ERICH1: variants seen among roughly 807,000 people sequenced by gnomAD.
ERICH1 encodes glutamate rich 1, also known as glutamate-rich protein 1.
Under a neutral mutation model 39.6 loss-of-function variants are expected in ERICH1, and 56 were observed. The observed-to-expected ratio is 1.41, with a 90% CI of 1.14 to 1.77. The LOEUF (loss-of-function observed/expected upper bound fraction) is 1.77. Among genes scored for constraint, ERICH1 ranks in the 40% most tolerant of loss-of-function variants. The pLI is 0.00. For synonymous variants in ERICH1, 313 were observed against 223.6 expected (o/e 1.40, Z -3.57); for missense variants, 826 against 575.4 (o/e 1.44, Z -4.45).
At chr8:694,853 G>C (rs2132095115) in intron 2 of ERICH1, among the ~76,000 whole-genome samples, 1 of 152,266 alleles carries the variant, frequency 6.6e-6, no homozygotes, top group African/African-American at 2.4e-5. Flanking sequence ...GCGGCAGCGA[G>C]AGTTCCCCGT....
chr8:621,829 C>G (rs533706932), intron 3 of ERICH1, among the ~76,000 whole-genome samples: 1 of 152,108 alleles, frequency 6.6e-6, no homozygotes. Context: ...TATGAGCCAA[C>G]AAAGTTAAAT....
At chr8:729,007 C>T (rs892197920) in intron 1 of ERICH1, among the ~76,000 whole-genome samples, 3 of 152,118 alleles carry the variant, frequency 2.0e-5, no homozygotes, top group Non-Finnish European at 4.4e-5. Context: ...CAGGGCCAGG[C>T]AGGGGAGAGT....
rs796284628 is a variant in ERICH1 at position 726,995 on chromosome 8, G to A, written c.22+4145C>T. On this transcript the variant is annotated intron_variant, in intron 1 of 5. Transcript: ENST00000262109. ...CACGTACACATACACATACACACAC[G>A]CACACCACACAGGCACACACATGCA... Among the ~76,000 whole-genome samples the A allele has an allele frequency of 1.3e-3, 165 of 124,450 alleles. 1 individual carries two copies. Among genetic ancestry groups the A allele is most frequent in the African/African-American group, 6.7e-3 (143 of 21,340 alleles). 81.6% of individuals were successfully genotyped at this position (124,450 alleles called of 152,430 possible).
chr8:664,160 C>T (rs1001214186), downstream of ERICH1: 4 of 831,016 alleles, frequency 4.8e-6, no homozygotes, highest in African/African-American at 7.4e-5. Flanking sequence ...ATATGATTCA[C>T]AAAGTAGAGA....
intron 3 of ERICH1, among the ~76,000 whole-genome samples, chr8:685,325 C>G (rs1372422198): frequency 3.9e-5 from 6 of 152,214 alleles, no homozygotes; most frequent in Non-Finnish European, 8.8e-5. Flanking sequence ...GGTAATCTCC[C>G]TTGTTCCCTG....
intron 3 of ERICH1, among the ~76,000 whole-genome samples, chr8:628,602 A>C (rs1430918302): frequency 6.6e-6 from 1 of 152,204 alleles, no homozygotes; most frequent in African/African-American, 2.4e-5. Context: ...TGGGGTGATC[A>C]AAGGCTCAGG....
intron 3 of ERICH1, among the ~76,000 whole-genome samples, chr8:627,844 G>T (rs1797682798): frequency 6.6e-6 from 1 of 152,194 alleles, no homozygotes; most frequent in Admixed American, 6.5e-5. Flanking sequence ...AGGCTGGGGA[G>T]CCCAGGAACA....
chr8:661,210 G>A (rs577613948), downstream of ERICH1, among the ~76,000 whole-genome samples: 1 of 152,166 alleles, frequency 6.6e-6, no homozygotes. Context: ...GCCCCGGGAT[G>A]AGAGGACATG....
chr8:722,418 CAG>C (rs1315460062), intron 1 of ERICH1, among the ~76,000 whole-genome samples: 1 of 152,196 alleles, frequency 6.6e-6, no homozygotes, highest in East Asian at 1.9e-4. Context: ...GTATAATTCT[CAG>C]AAAGGACTGC....
chr8:719,482 G>A (rs1347621815), intron 1 of ERICH1, among the ~76,000 whole-genome samples: 5 of 152,242 alleles, frequency 3.3e-5, no homozygotes, highest in African/African-American at 7.2e-5. Context: ...GCTGACGCCC[G>A]CGGTCGCCCG....
At chr8:615,024 C>T in exon 4 of ERICH1, 2 of 448,132 alleles carry the variant, frequency 4.5e-6, no homozygotes, top group East Asian at 3.4e-5. Context: ...TTCAAGCCAC[C>T]TTGGAGCAGA....
intron 3 of ERICH1, among the ~76,000 whole-genome samples, chr8:632,640 A>G (rs1209988176): frequency 1.3e-5 from 2 of 152,254 alleles, no homozygotes; most frequent in African/African-American, 4.8e-5. Flanking sequence ...AGACGTTATG[A>G]ACATAAAATT....
chr8:653,992 C>T (rs1428666259), intron 3 of ERICH1, among the ~76,000 whole-genome samples: 5 of 151,582 alleles, frequency 3.3e-5, no homozygotes, highest in South Asian at 2.1e-4. Context: ...CTGGAGAAGT[C>T]GGAGCCACAG....
intron 3 of ERICH1, among the ~76,000 whole-genome samples, chr8:642,556 G>C (rs548857389): frequency 1.3e-5 from 2 of 152,028 alleles, no homozygotes; most frequent in South Asian, 4.2e-4. Flanking sequence ...GTGTTAGCCA[G>C]GATGGTCTCG....
chr8:622,768 C>T (rs966200418), intron 3 of ERICH1, among the ~76,000 whole-genome samples: 5 of 152,076 alleles, frequency 3.3e-5, no homozygotes, highest in Non-Finnish European at 7.4e-5. Flanking sequence ...GCCTTGGCAA[C>T]ATAGTGAGAC....
intron 4 of ERICH1, among the ~76,000 whole-genome samples, chr8:670,114 C>A (rs768774005): frequency 6.6e-6 from 1 of 152,156 alleles, no homozygotes; most frequent in Non-Finnish European, 1.5e-5. Context: ...CACCTGTCTT[C>A]CTGGTCACTA....
chr8:717,545 T>C (rs1396936313), intron 1 of ERICH1, among the ~76,000 whole-genome samples: 1 of 152,190 alleles, frequency 6.6e-6, no homozygotes, highest in Non-Finnish European at 1.5e-5. Context: ...GAAGAAAATG[T>C]CCTGTGCCAG....
At chr8:696,218 G>A (rs111161369) in intron 2 of ERICH1, among the ~76,000 whole-genome samples, 6 of 44,344 alleles carry the variant, frequency 1.4e-4, no homozygotes, top group South Asian at 1.4e-3. Context: ...ATCAGCCTGC[G>A]CCTGTGCTGG....
intron 3 of ERICH1, among the ~76,000 whole-genome samples, chr8:625,018 A>G (rs1444768738): frequency 6.6e-6 from 1 of 151,986 alleles, no homozygotes; most frequent in Admixed American, 6.6e-5. Context: ...GAGCCACTGC[A>G]CCCGGCCTAC....
Sources: allele counts gnomAD v4.1 joint callset (sites outside exome capture counted in the v4.1 genomes callset), GRCh38; gene constraint gnomAD v4.1.1; transcripts MANE v1.5; gene names NCBI Gene and HGNC (gene_info 2026-07-23, HGNC 2026-07-21).